The following C2orf78 variants were observed in gnomAD, a reference collection of about 807,000 sequenced individuals.
C2orf78 encodes uncharacterized protein C2orf78.
Under a neutral mutation model 21.4 loss-of-function variants are expected in C2orf78, and 12 were observed. The ratio of observed to expected loss-of-function variants is 0.56; its 90% CI spans 0.36 to 0.91. The LOEUF (loss-of-function observed/expected upper bound fraction) is 0.91. Among genes scored for constraint, C2orf78 ranks in the 40% least tolerant of loss-of-function variants. The probability of loss-of-function intolerance (pLI) is 0.01; values close to 1 mark genes in which losing one functional copy is unlikely to be tolerated. For missense variants in C2orf78, 1,042 were observed against 1,092.4 expected, an observed-to-expected ratio of 0.95 and a Z score of 0.65; for synonymous variants, 396 against 413.9, an observed-to-expected ratio of 0.96 and a Z score of 0.52.
chr2:73,815,324 C>T lies in C2orf78; in HGVS notation c.1101C>T (p.Thr367=), dbSNP rs553074585. 3.2e-4 allele frequency: 520 copies of T among 1,613,892 alleles called. 5 individuals are homozygous for T. In the South Asian group the frequency reaches 5.4e-3, roughly 17 times the overall value. Residue 367 remains threonine, a synonymous_variant, in exon 3 of 3, where the codon ACC becomes ACT. Coordinates refer to ENST00000409561, the Ensembl canonical transcript of C2orf78. ...ATGAGAATTTGGATGAGATTAAAAC[C>T]AACCTTTCAAAGCCTCTAGATGTCC...
Position 73,815,574 on chromosome 2 carries a change from A to ACC in C2orf78, c.1352_1353insCC (p.Tyr452LeufsTer32). ...AGACATCACTACATGGGTGGAGGAT[A>ACC]CTTACCTCCCCCCGATCTTCAGTTC... On this transcript the variant is annotated frameshift_variant, in exon 3 of 3. Coordinates refer to ENST00000409561, the Ensembl canonical transcript of C2orf78. LOFTEE classifies it low-confidence loss of function (END_TRUNC). 6.2e-7 allele frequency: 1 copy of ACC among 1,613,988 alleles called. No homozygotes were observed. Among genetic ancestry groups the ACC allele is most frequent in the South Asian group, 1.1e-5 (1 of 91,080 alleles).
intron 1 of C2orf78, among the ~76,000 whole-genome samples, chr2:73,811,240 G>A (rs1340791003): frequency 2.0e-5 from 3 of 151,800 alleles, no homozygotes; most frequent in African/African-American, 4.8e-5. Context: ...GCAGTGAGCC[G>A]AGATCTTGCC....
chr2:73,808,681 C>G, intron 1 of C2orf78: 2 of 1,449,306 alleles, frequency 1.4e-6, no homozygotes, highest in Non-Finnish European at 1.8e-6. Context: ...TGACATCATT[C>G]TCCCACCAAA....
At chr2:73,814,465 G>T (rs1673152017) in intron 2 of C2orf78, among the ~76,000 whole-genome samples, 1 of 152,042 alleles carries the variant, frequency 6.6e-6, no homozygotes, top group South Asian at 2.1e-4. Flanking sequence ...GCATACTGAG[G>T]GATACACTTT....
At chr2:73,813,713 G>A (rs1439531443) in exon 2 of C2orf78, 2 of 1,613,872 alleles carry the variant, frequency 1.2e-6, no homozygotes, top group African/African-American at 2.7e-5. Flanking sequence ...TGGGGTTACT[G>A]GCCAGAGCCA....
intron 1 of C2orf78, among the ~76,000 whole-genome samples, chr2:73,812,131 T>C (rs1382225863): frequency 6.6e-6 from 1 of 152,174 alleles, no homozygotes; most frequent in African/African-American, 2.4e-5. Context: ...TCTCTGTCTA[T>C]ATATGCTTGT....
intron 1 of C2orf78, among the ~76,000 whole-genome samples, chr2:73,807,179 CAAA>C (rs1279850153): frequency 6.3e-5 from 3 of 47,284 alleles, no homozygotes; most frequent in Admixed American, 2.2e-4. Flanking sequence ...GACTCTGTCT[CAAA>C]AAAAAAAAAA....
chr2:73,807,888 A>C (rs993920741), intron 1 of C2orf78, among the ~76,000 whole-genome samples: 22 of 150,264 alleles, frequency 1.5e-4, no homozygotes, highest in African/African-American at 5.0e-4. Flanking sequence ...ATCATTTCCT[A>C]CAAGGGGCAA....
chr2:73,811,877 T>A (rs1253497318), intron 1 of C2orf78, among the ~76,000 whole-genome samples: 1 of 152,174 alleles, frequency 6.6e-6, no homozygotes, highest in East Asian at 1.9e-4. Flanking sequence ...TTAATACCTG[T>A]CATTTGCTGG....
chr2:73,811,516 G>C (rs1558541425), intron 1 of C2orf78, among the ~76,000 whole-genome samples: 1 of 152,098 alleles, frequency 6.6e-6, no homozygotes, highest in Non-Finnish European at 1.5e-5. Context: ...AGTAAAAGCT[G>C]CTTTTTTATC....
intron 1 of C2orf78, among the ~76,000 whole-genome samples, chr2:73,811,611 T>A (rs1213053900): frequency 6.6e-6 from 1 of 152,182 alleles, no homozygotes; most frequent in Non-Finnish European, 1.5e-5. Flanking sequence ...AAGCCACATA[T>A]CAGCCACATA....
chr2:73,817,145 T>G, exon 3 of C2orf78: 1 of 857,948 alleles, frequency 1.2e-6, no homozygotes, highest in Non-Finnish European at 1.6e-6. Context: ...CTTTTGAGTT[T>G]TGAGATGCTG....
At chr2:73,815,047 ACTT>A (rs1673163655) in intron 2 of C2orf78, 21 bp from the exon 3 acceptor site, 1 of 1,586,042 alleles carries the variant, frequency 6.3e-7, no homozygotes, top group Non-Finnish European at 8.6e-7. Context: ...CCAGGGACTG[ACTT>A]CTTCCTTGAT....
chr2:73,815,084 C>T (rs1673164188), exon 3 of C2orf78: 2 of 1,610,994 alleles, frequency 1.2e-6, no homozygotes, highest in East Asian at 2.2e-5. Context: ...TGGAAACTTC[C>T]CTGGGGATGG....
At chr2:73,810,941 A>G (rs908851992) in intron 1 of C2orf78, among the ~76,000 whole-genome samples, 1 of 142,748 alleles carries the variant, frequency 7.0e-6, no homozygotes, top group Non-Finnish European at 1.5e-5. Context: ...ATATAAATGT[A>G]TGTTATATAT....
chr2:73,809,944 C>A (rs961394638), intron 1 of C2orf78, among the ~76,000 whole-genome samples: 6 of 151,960 alleles, frequency 3.9e-5, no homozygotes, highest in Admixed American at 3.3e-4. Flanking sequence ...GGGTCCCCTA[C>A]TTTTCCCCTT....
exon 3 of C2orf78, chr2:73,816,332 A>G (rs762687152): frequency 1.2e-6 from 2 of 1,613,826 alleles, no homozygotes. Flanking sequence ...AAGAGTGTAC[A>G]TCTCCATCCC....
intron 1 of C2orf78, among the ~76,000 whole-genome samples, chr2:73,784,637 A>G (rs1027281688): frequency 1.3e-5 from 2 of 151,268 alleles, no homozygotes; most frequent in Non-Finnish European, 2.9e-5. Flanking sequence ...AGGATAATAG[A>G]CTGGTTATTC....
intron 1 of C2orf78, among the ~76,000 whole-genome samples, chr2:73,809,666 A>C (rs1323701177): frequency 6.6e-6 from 1 of 152,014 alleles, no homozygotes; most frequent in Non-Finnish European, 1.5e-5. Flanking sequence ...TGTGCCAGCT[A>C]CTCAGGAAGC....
Sources: gnomAD v4.1 joint callset for allele counts (sites outside exome capture counted in the v4.1 genomes callset) on GRCh38, gnomAD v4.1.1 for gene constraint, MANE v1.5 for transcripts, NCBI Gene and HGNC (gene_info 2026-07-23, HGNC 2026-07-21) for gene names.